Variants in ZBED6 observed in about 807,000 individuals in gnomAD.
ZBED6 encodes zinc finger BED-type containing 6.
ZBED6 carries 40 observed loss-of-function variants against 58.4 expected under a neutral mutation model. The observed-to-expected ratio is 0.68, with a 90% CI of 0.53 to 0.89. The LOEUF is 0.89. Ranked by LOEUF, ZBED6 falls within the 40% of genes least tolerant of loss-of-function variation. ZBED6 has a pLI of 0.00. For missense variants in ZBED6, 1,057 were observed against 1,003.9 expected (o/e 1.05, Z -0.71); for synonymous variants, 439 against 350.6 (o/e 1.25, Z -2.82).
chr1:203,847,301 A>T, exon 12 of ZBED6: 1 of 1,614,008 alleles, frequency 6.2e-7, no homozygotes, highest in Non-Finnish European at 8.5e-7. Context: ...GGACCTTCAA[A>T]AACTGATGAT....
chr1:203,834,633 C>T (rs1486292593), intron 9 of ZBED6, among the ~76,000 whole-genome samples: 3 of 152,052 alleles, frequency 2.0e-5, no homozygotes, highest in Non-Finnish European at 4.4e-5. Flanking sequence ...ACTACCCTAA[C>T]GTGTCTGACT....
chr1:203,829,853 A>G (rs781519315), exon 6 of ZBED6: 3 of 1,614,104 alleles, frequency 1.9e-6, no homozygotes, highest in Non-Finnish European at 2.5e-6. Context: ...ACAATGGATT[A>G]CGAGTGACTT....
At chr1:203,845,450 CAGT>C (rs1687624759) in intron 11 of ZBED6, among the ~76,000 whole-genome samples, 1 of 152,186 alleles carries the variant, frequency 6.6e-6, no homozygotes, top group African/African-American at 2.4e-5. Context: ...TACCTAAATA[CAGT>C]CGTTGTTCTC....
At chr1:203,805,048 T>C (rs1378421978) in intron 1 of ZBED6, among the ~76,000 whole-genome samples, 2 of 152,128 alleles carry the variant, frequency 1.3e-5, no homozygotes, top group Non-Finnish European at 2.9e-5. Context: ...ATAAATGTCC[T>C]ATTCATCAAA....
At chr1:203,845,866 A>C (rs1687750749) in intron 11 of ZBED6, among the ~76,000 whole-genome samples, 1 of 152,184 alleles carries the variant, frequency 6.6e-6, no homozygotes, top group Non-Finnish European at 1.5e-5. Context: ...ACTCTGTCTC[A>C]AAAAACAAGC....
exon 1 of ZBED6, chr1:203,802,292 G>GT (rs1295116983): frequency 6.6e-6 from 1 of 152,518 alleles, no homozygotes; most frequent in African/African-American, 2.4e-5. Flanking sequence ...GCAAAATTTA[G>GT]TGTAACAATA....
intron 1 of ZBED6, chr1:203,806,049 C>G (rs1672225195): frequency 1.9e-6 from 1 of 527,092 alleles, no homozygotes; most frequent in East Asian, 4.7e-5. Context: ...GCTGCTCATA[C>G]ATCCGCTTTT....
At chr1:203,833,010 G>T (rs1489560328) in intron 8 of ZBED6, among the ~76,000 whole-genome samples, 2 of 152,016 alleles carry the variant, frequency 1.3e-5, no homozygotes, top group African/African-American at 4.8e-5. Context: ...GAGGCGGGCG[G>T]ATCGCTTGAG....
chr1:203,798,946 T>A, exon 1 of ZBED6: 1 of 1,536,122 alleles, frequency 6.5e-7, no homozygotes, highest in South Asian at 1.2e-5. Flanking sequence ...TTAGAGAATG[T>A]TCAAAGCCAA....
intron 3 of ZBED6, among the ~76,000 whole-genome samples, chr1:203,820,047 C>T (rs997177605): frequency 6.0e-5 from 9 of 150,598 alleles, no homozygotes; most frequent in African/African-American, 2.2e-4. Flanking sequence ...CCAGCCTGAC[C>T]AACATGGTGA....
intron 2 of ZBED6, among the ~76,000 whole-genome samples, chr1:203,818,054 G>A (rs1676962182): frequency 6.6e-6 from 1 of 152,022 alleles, no homozygotes; most frequent in Non-Finnish European, 1.5e-5. Context: ...GTGATATTAT[G>A]TTTTAAATGA....
At chr1:203,814,709 A>G (rs147765535) in intron 1 of ZBED6, among the ~76,000 whole-genome samples, 92 of 152,238 alleles carry the variant, frequency 6.0e-4, no homozygotes, top group Middle Eastern at 3.4e-3. Context: ...CCCAATAACA[A>G]AGCTGCTTAC....
chr1:203,805,625 G>A, intron 1 of ZBED6: 10 of 682,750 alleles, frequency 1.5e-5, no homozygotes, highest in South Asian at 1.4e-4. Flanking sequence ...AATGTATGAA[G>A]CAGGGATCTG....
At chr1:203,805,853 CT>C in intron 1 of ZBED6, 1 of 899,646 alleles carries the variant, frequency 1.1e-6, no homozygotes. Context: ...TCATTTGCAT[CT>C]TCCATCATGT....
chr1:203,834,297 A>G (rs1314987431), intron 9 of ZBED6, among the ~76,000 whole-genome samples: 1 of 152,146 alleles, frequency 6.6e-6, no homozygotes, highest in Non-Finnish European at 1.5e-5. Context: ...TAGAGACAAG[A>G]GTCTTGTTTT....
chr1:203,797,266 C>G (rs1035238682), exon 1 of ZBED6: 1 of 294,200 alleles, frequency 3.4e-6, no homozygotes, highest in African/African-American at 2.2e-5. Context: ...CATGAGGACA[C>G]TGGACTATTT....
chr1:203,829,036 T>C (rs1162634479), intron 4 of ZBED6, among the ~76,000 whole-genome samples: 1 of 152,230 alleles, frequency 6.6e-6, no homozygotes, highest in African/African-American at 2.4e-5. Flanking sequence ...GATGGCTACA[T>C]CTTTTTACCT....
At chr1:203,835,889 C>G (rs1457679652) in intron 9 of ZBED6, 1 of 243,412 alleles carries the variant, frequency 4.1e-6, no homozygotes, top group Non-Finnish European at 8.9e-6. Flanking sequence ...CAAAAATGCC[C>G]TTGGACCACA....
exon 1 of ZBED6, chr1:203,799,755 T>G: frequency 1.2e-6 from 1 of 866,056 alleles, no homozygotes; most frequent in Non-Finnish European, 1.9e-6. Context: ...GGTGGATAGT[T>G]TATCTCTGAA....
Sources: allele counts gnomAD v4.1 joint callset (sites outside exome capture counted in the v4.1 genomes callset), GRCh38; gene constraint gnomAD v4.1.1; transcripts MANE v1.5; gene names NCBI Gene and HGNC (gene_info 2026-07-23, HGNC 2026-07-21).